The following NEK10 variants were observed in gnomAD, a reference collection of about 807,000 sequenced individuals.
The protein encoded by NEK10 is serine/threonine-protein kinase Nek10.
In NEK10, 122 loss-of-function variants were observed where a neutral mutation model predicts 159.8. That is an observed-to-expected ratio of 0.76 (90% CI 0.66 to 0.89). The LOEUF is 0.89. Ranked by LOEUF, NEK10 falls within the 40% of genes least tolerant of loss-of-function variation. The pLI, the probability that NEK10 is intolerant of heterozygous loss-of-function variation, is 0.00. For missense variants in NEK10, 1,342 were observed against 1,323.1 expected, an observed-to-expected ratio of 1.01 and a Z score of -0.22; for synonymous variants, 466 against 457.1, an observed-to-expected ratio of 1.02 and a Z score of -0.25.
chr3:27,315,265 G>T (rs1053962901), intron 6 of NEK10, among the ~76,000 whole-genome samples: 1 of 152,148 alleles, frequency 6.6e-6, no homozygotes, highest in African/African-American at 2.4e-5. Flanking sequence ...GTACATGAGC[G>T]TGGGAGAGAA....
At chr3:27,134,759 CT>C (rs1943010460) in intron 31 of NEK10, among the ~76,000 whole-genome samples, 1 of 152,116 alleles carries the variant, frequency 6.6e-6, no homozygotes, top group Non-Finnish European at 1.5e-5. Flanking sequence ...AGCACCCCAT[CT>C]TTGAAGTTTT....
chr3:27,149,832 CA>C (rs1413903816), intron 30 of NEK10, among the ~76,000 whole-genome samples: 1 of 152,172 alleles, frequency 6.6e-6, no homozygotes, highest in Non-Finnish European at 1.5e-5. Context: ...GAAGGCATGT[CA>C]AAAGCCAAGA....
chr3:27,165,808 T>C (rs1946420418), intron 29 of NEK10, among the ~76,000 whole-genome samples: 1 of 152,230 alleles, frequency 6.6e-6, no homozygotes, highest in African/African-American at 2.4e-5. Flanking sequence ...ATTTTTTAAA[T>C]AGACTTTTCG....
At chr3:27,158,062 T>A (rs1008169746) in intron 30 of NEK10, among the ~76,000 whole-genome samples, 1 of 152,192 alleles carries the variant, frequency 6.6e-6, no homozygotes, top group African/African-American at 2.4e-5. Flanking sequence ...AACCAAAAAA[T>A]TCAGGTGACA....
At chr3:27,129,312 T>C (rs973984290) in intron 32 of NEK10, among the ~76,000 whole-genome samples, 16 of 152,144 alleles carry the variant, frequency 1.1e-4, no homozygotes, top group African/African-American at 3.9e-4. Flanking sequence ...TCCTTCAAAC[T>C]AGGGACACAG....
chr3:27,278,673 T>A, intron 22 of NEK10: 1 of 980,160 alleles, frequency 1.0e-6, no homozygotes, highest in Non-Finnish European at 1.2e-6. Context: ...TTAAATGAGT[T>A]TTGTTTTTTC....
At chr3:27,113,975 G>A (rs929346146) in intron 35 of NEK10, among the ~76,000 whole-genome samples, 5 of 152,074 alleles carry the variant, frequency 3.3e-5, no homozygotes, top group Admixed American at 3.3e-4. Context: ...ACAAGCCAAG[G>A]GCACTTGAAA....
chr3:27,119,776 G>T lies in NEK10; in HGVS notation c.3174C>A (p.Ser1058=), dbSNP rs547938612. The T allele has an allele frequency of 1.2e-6, 2 of 1,613,564 alleles. No individual in the cohort carries two copies. The highest frequency in any genetic ancestry group is 3.3e-4 in the Middle Eastern group (2 of 6,060). ...CACTATTACCTGTAGGGTCATTTGG[G>T]GACAGGCTGTTTCCACCGGATGAAC... The part of the protein sequence containing the change: ...LHRSSGGNSL[S]PNDPTGLPTS... The change falls in exon 33 of 36, where the codon TCC becomes TCA. Residue 1058 remains serine, a synonymous_variant. Transcript: ENST00000691995.
intron 32 of NEK10, among the ~76,000 whole-genome samples, chr3:27,123,803 T>C (rs981107229): frequency 2.6e-5 from 4 of 151,660 alleles, no homozygotes; most frequent in African/African-American, 9.7e-5. Context: ...AATGAGTAGA[T>C]GGGGCGAGAA....
At chr3:27,209,020 C>T (rs928181105) in intron 23 of NEK10, among the ~76,000 whole-genome samples, 5 of 152,186 alleles carry the variant, frequency 3.3e-5, no homozygotes, top group Admixed American at 2.0e-4. Flanking sequence ...TATACTATGC[C>T]ACTAAAAGAA....
intron 22 of NEK10, among the ~76,000 whole-genome samples, chr3:27,262,397 A>G (rs1164388463): frequency 2.0e-5 from 3 of 152,188 alleles, no homozygotes; most frequent in Non-Finnish European, 4.4e-5. Flanking sequence ...AGATTGGGGA[A>G]GTACCCCTGG....
At chr3:27,284,292 C>T (rs1182180294) in intron 22 of NEK10, among the ~76,000 whole-genome samples, 1 of 152,018 alleles carries the variant, frequency 6.6e-6, no homozygotes, top group Non-Finnish European at 1.5e-5. Flanking sequence ...TGCTGAGGTG[C>T]AAGAATCACT....
intron 23 of NEK10, chr3:27,252,200 A>C (rs1333340245): frequency 2.0e-6 from 1 of 504,724 alleles, no homozygotes; most frequent in African/African-American, 1.9e-5. Context: ...CAATTCAAGT[A>C]CAACATAAGG....
intron 25 of NEK10, among the ~76,000 whole-genome samples, chr3:27,198,167 T>C (rs1038913747): frequency 6.6e-6 from 1 of 152,022 alleles, no homozygotes; most frequent in Non-Finnish European, 1.5e-5. Flanking sequence ...TGCTCACAGA[T>C]AGAAAGAATC....
At position 27,256,356 on chromosome 3, in the gene NEK10, G is replaced by C; in HGVS notation, c.2030C>G (p.Ala677Gly). ...TTTACTGTTTTCTTGTTTTTGCTTTGCCAGGCCAAAGTCAGCTACAATTCA... is the reference window on the plus strand; with the variant it reads ...TTTACTGTTTTCTTGTTTTTGCTTTCCCAGGCCAAAGTCAGCTACAATTCA... ...DKVTVTDFGL[A>G]KQKQENSKLT... Residue 677 changes from alanine to glycine, a missense_variant, in exon 23 of 36, where the codon GCA becomes GGA. Ala to Gly is a moderately conservative substitution (Grantham distance 60, BLOSUM62 0). Coordinates refer to ENST00000691995, the MANE Select transcript of NEK10 (RefSeq NM_001394966.1). 2 of 1,573,692 alleles carry C rather than the reference G, an allele frequency of 1.3e-6. No individual in the cohort carries two copies. The highest frequency in any genetic ancestry group is 8.6e-7 in the Non-Finnish European group (1 of 1,163,188).
chr3:27,319,277 C>T (rs1174870997), intron 6 of NEK10, among the ~76,000 whole-genome samples: 1 of 152,180 alleles, frequency 6.6e-6, no homozygotes, highest in Non-Finnish European at 1.5e-5. Flanking sequence ...AATCTCAATA[C>T]GTGTCTTCGT....
chr3:27,141,419 C>T, intron 31 of NEK10, 63 bp downstream of exon 31: 3 of 1,227,828 alleles, frequency 2.4e-6, no homozygotes, highest in Non-Finnish European at 2.3e-6. Context: ...AATAGTTCTT[C>T]AGCAATATTA....
At chr3:27,258,206 G>A (rs1386156354) in intron 22 of NEK10, among the ~76,000 whole-genome samples, 3 of 152,020 alleles carry the variant, frequency 2.0e-5, no homozygotes, top group Admixed American at 6.6e-5. Flanking sequence ...ATATGCAAAT[G>A]TCATGTATGT....
chr3:27,301,281 G>A (rs2043803874), intron 13 of NEK10, among the ~76,000 whole-genome samples: 1 of 152,190 alleles, frequency 6.6e-6, no homozygotes, highest in South Asian at 2.1e-4. Flanking sequence ...AGAAGCATGG[G>A]GAAGGTACTC....
Sources: gnomAD v4.1 joint callset for allele counts (sites outside exome capture counted in the v4.1 genomes callset) on GRCh38, gnomAD v4.1.1 for gene constraint, MANE v1.5 for transcripts, NCBI Gene and HGNC (gene_info 2026-07-23, HGNC 2026-07-21) for gene names.